KATNAL1: variants seen among roughly 807,000 people sequenced by gnomAD.
KATNAL1 encodes the protein katanin p60 ATPase-containing subunit A-like 1.
Under a neutral mutation model 55.2 loss-of-function variants are expected in KATNAL1, and 32 were observed. The ratio of observed to expected loss-of-function variants is 0.58; its 90% CI spans 0.44 to 0.78. The LOEUF (loss-of-function observed/expected upper bound fraction) is 0.78. Ranked by LOEUF, KATNAL1 falls within the 30% of genes least tolerant of loss-of-function variation. The pLI is 0.00. For synonymous variants in KATNAL1, 193 were observed against 193.6 expected (o/e 1.00, Z 0.02); for missense variants, 466 against 600.9 (o/e 0.78, Z 2.35).
chr13:30,219,136 G>GT (rs1257177713), intron 9 of KATNAL1, among the ~76,000 whole-genome samples: 2 of 152,006 alleles, frequency 1.3e-5, no homozygotes, highest in African/African-American at 4.8e-5. Flanking sequence ...TTCACAGTTG[G>GT]TTTTGTTCAT....
intron 4 of KATNAL1, among the ~76,000 whole-genome samples, chr13:30,253,026 C>T (rs1350344439): frequency 1.3e-5 from 2 of 152,196 alleles, no homozygotes; most frequent in African/African-American, 4.8e-5. Flanking sequence ...GGATTACAGG[C>T]GTGAGCCACT....
chr13:30,253,785 T>C (rs558314289), intron 4 of KATNAL1, among the ~76,000 whole-genome samples: 7 of 152,270 alleles, frequency 4.6e-5, no homozygotes, highest in African/African-American at 1.7e-4. Context: ...TTTTGGTAAA[T>C]CCAATCCAGA....
At chr13:30,265,542 T>C (rs924396600) in intron 3 of KATNAL1, among the ~76,000 whole-genome samples, 4 of 152,102 alleles carry the variant, frequency 2.6e-5, no homozygotes, top group Non-Finnish European at 4.4e-5. Context: ...GTGCTTTTTG[T>C]GCAGAGAATA....
At chr13:30,212,891 G>A (rs1873822171) in intron 9 of KATNAL1, among the ~76,000 whole-genome samples, 1 of 152,144 alleles carries the variant, frequency 6.6e-6, no homozygotes, top group South Asian at 2.1e-4. Context: ...AGACAGGAGA[G>A]GTAATTAAGG....
intron 4 of KATNAL1, among the ~76,000 whole-genome samples, chr13:30,241,666 T>G (rs1227426520): frequency 6.6e-6 from 1 of 152,188 alleles, no homozygotes; most frequent in Non-Finnish European, 1.5e-5. Context: ...CCCAGAGCTT[T>G]AGCCCCAGTT....
chr13:30,297,595 G>A (rs2137566271), intron 1 of KATNAL1, among the ~76,000 whole-genome samples: 1 of 152,210 alleles, frequency 6.6e-6, no homozygotes, highest in South Asian at 2.1e-4. Context: ...ATTCACAATA[G>A]CAAAGCCATG....
rs1367141338 is a variant in KATNAL1 at position 30,283,755 on chromosome 13, T to C, written c.23A>G (p.Asp8Gly). ...ATATTCTCTTCCTTTCTTTGCATTA[T>C]CACAAATCTCAGCCAAATTCATCTT... MNLAEIC[D>G]NAKKGREYAL... Residue 8 changes from aspartate (D) to glycine (G), a missense_variant, in exon 2 of 11, where the codon GAT becomes GGT. Asp to Gly is a moderately conservative substitution (Grantham distance 94, BLOSUM62 -1). Transcript: ENST00000380615. 1.2e-6 allele frequency: 2 copies of C among 1,610,284 alleles called. No individual in the cohort carries two copies. Among genetic ancestry groups the C allele is most frequent in the Non-Finnish European group, 1.7e-6 (2 of 1,177,980 alleles).
chr13:30,260,970 A>G (rs1879237693), intron 3 of KATNAL1, among the ~76,000 whole-genome samples: 1 of 151,760 alleles, frequency 6.6e-6, no homozygotes, highest in African/African-American at 2.4e-5. Flanking sequence ...AGCCAGAGAG[A>G]AAGGTCGGGT....
At chr13:30,265,856 C>CA (rs1418155902) in intron 3 of KATNAL1, among the ~76,000 whole-genome samples, 2 of 150,976 alleles carry the variant, frequency 1.3e-5, no homozygotes, top group Admixed American at 6.6e-5. Context: ...ACTAAAAATA[C>CA]AAAAAATTTG....
chr13:30,247,064 T>C (rs1877867447), intron 4 of KATNAL1, among the ~76,000 whole-genome samples: 1 of 152,146 alleles, frequency 6.6e-6, no homozygotes, highest in African/African-American at 2.4e-5. Flanking sequence ...ATTATTTCCA[T>C]CTCATAGATG....
intron 4 of KATNAL1, among the ~76,000 whole-genome samples, chr13:30,243,633 A>T (rs1593876798): frequency 8.7e-6 from 1 of 114,680 alleles, no homozygotes; most frequent in Non-Finnish European, 1.9e-5. Flanking sequence ...AAAAAAAAAA[A>T]GCAAGGGCCA....
chr13:30,254,385 A>T (rs2137460005), intron 4 of KATNAL1, among the ~76,000 whole-genome samples: 1 of 152,314 alleles, frequency 6.6e-6, no homozygotes, highest in East Asian at 1.9e-4. Context: ...AAGCTCCCAC[A>T]AACTACAAAC....
chr13:30,220,555 C>T lies in KATNAL1; in HGVS notation c.1147+6857G>A, dbSNP rs1874746274. Among the ~76,000 whole-genome samples the T allele has an allele frequency of 2.6e-5, 4 of 152,160 alleles. No individual in the cohort carries two copies. In the South Asian group the frequency reaches 8.3e-4, roughly 32 times the overall value. On this transcript the variant is annotated intron_variant, in intron 9 of 10. Coordinates refer to ENST00000380615, the MANE Select transcript of KATNAL1 (RefSeq NM_032116.5). ...AAGGAAAAAAACGCTCGAATTTCAA[C>T]TTGTGTATGAGCCAGGTATTAAGGA...
intron 3 of KATNAL1, among the ~76,000 whole-genome samples, chr13:30,260,895 G>A (rs1365654305): frequency 6.7e-6 from 1 of 149,826 alleles, no homozygotes; most frequent in African/African-American, 2.4e-5. Context: ...CTCGAGAAGA[G>A]CAACTCCAAG....
intron 4 of KATNAL1, among the ~76,000 whole-genome samples, chr13:30,247,212 C>G (rs1181070053): frequency 1.3e-5 from 2 of 152,134 alleles, no homozygotes; most frequent in African/African-American, 4.8e-5. Flanking sequence ...GCTACTCTTA[C>G]CCCAGTGTGA....
At chr13:30,255,998 A>C (rs1172991899) in intron 3 of KATNAL1, among the ~76,000 whole-genome samples, 1 of 152,176 alleles carries the variant, frequency 6.6e-6, no homozygotes, top group Admixed American at 6.5e-5. Context: ...TTTTAGAAAA[A>C]AGCATTAAAA....
chr13:30,284,768 T>C (rs2137541454), intron 1 of KATNAL1, among the ~76,000 whole-genome samples: 1 of 152,326 alleles, frequency 6.6e-6, no homozygotes, highest in South Asian at 2.1e-4. Context: ...ACCCTCTAGA[T>C]TTCTGGCTTC....
intron 2 of KATNAL1, among the ~76,000 whole-genome samples, chr13:30,280,493 T>C (rs1036208966): frequency 6.6e-6 from 1 of 152,180 alleles, no homozygotes; most frequent in African/African-American, 2.4e-5. Flanking sequence ...GTGATGATCA[T>C]TAATACAATT....
In KATNAL1 at chr13:30,283,810, G is replaced by T; in HGVS notation, c.-14-19C>A. On this transcript the variant is annotated intron_variant, in intron 1 of 10. Transcript: ENST00000380615. ...CAGAGACCTAAACATAAAATATAAT[G>T]ACTTTTTAAAAATTTTCAGCACTGA... 2 of 1,529,012 alleles carry T rather than the reference G, an allele frequency of 1.3e-6. No homozygotes were observed. Among genetic ancestry groups the T allele is most frequent in the East Asian group, 2.3e-5 (1 of 42,982 alleles). 94.7% of individuals were successfully genotyped at this position (1,529,012 alleles called of 1,614,324 possible).
Sources: allele counts gnomAD v4.1 joint callset (sites outside exome capture counted in the v4.1 genomes callset), GRCh38; gene constraint gnomAD v4.1.1; transcripts MANE v1.5; gene names NCBI Gene and HGNC (gene_info 2026-07-23, HGNC 2026-07-21).